The following CLASP1 variants were observed in gnomAD, a reference collection of about 807,000 sequenced individuals.
CLASP1 encodes the protein CLIP-associating protein 1.
In CLASP1, 38 loss-of-function variants were observed where a neutral mutation model predicts 192.3. The observed-to-expected ratio is 0.20, with a 90% CI of 0.15 to 0.26. CLASP1 has a LOEUF of 0.26. Ranked by LOEUF, CLASP1 falls within the 10% of genes least tolerant of loss-of-function variation. The pLI is 1.00. For synonymous variants in CLASP1, 691 were observed against 712.8 expected (o/e 0.97, Z 0.49); for missense variants, 1,433 against 1,932.5 (o/e 0.74, Z 4.85).
At chr2:121,363,332 A>C in intron 36 of CLASP1, 32 bp from the exon 38 acceptor site, 1 of 1,611,492 alleles carries the variant, frequency 6.2e-7, no homozygotes. Flanking sequence ...AGACATCACC[A>C]AACACCACAC....
rs191562547 is a variant in CLASP1 at position 121,340,962 on chromosome 2, T to C, written c.4531-15A>G. ...AGTAGCTTCATCTGAAAAGAGAAGA[T>C]GAAACTGAATTAGCAGGAAGAAAAG... On this transcript the variant is annotated splice_polypyrimidine_tract_variant and intron_variant, in intron 39 of 39. Transcript: ENST00000263710. 9.7e-6 allele frequency: 15 copies of C among 1,539,198 alleles called. No individual in the cohort carries two copies. The East Asian group carries it at 3.0e-4, about 30-fold the overall frequency.
At chr2:121,477,992 T>C (rs116438579) in intron 8 of CLASP1, among the ~76,000 whole-genome samples, 8 of 152,342 alleles carry the variant, frequency 5.3e-5, no homozygotes, top group African/African-American at 1.7e-4. Flanking sequence ...TGTTGTTTAA[T>C]TCTTACTGCA....
chr2:121,479,912 G>A (rs997827318), intron 8 of CLASP1, among the ~76,000 whole-genome samples: 7 of 152,162 alleles, frequency 4.6e-5, no homozygotes, highest in African/African-American at 1.4e-4. Context: ...CAATACAAAG[G>A]TGGAAATGGC....
Position 121,425,317 on chromosome 2 carries a change from A to G in CLASP1, c.2045-11T>C, listed in dbSNP as rs753046711. Reference sequence around the variant, plus strand: ...TTGACCGGCTGCCAGCTAAAAGTGAAGCAAAATGACAATGAATAATAGATG... The same window carrying G: ...TTGACCGGCTGCCAGCTAAAAGTGAGGCAAAATGACAATGAATAATAGATG... On this transcript the variant is annotated splice_polypyrimidine_tract_variant and intron_variant, in intron 21 of 39. Transcript: ENST00000263710. The G allele has an allele frequency of 2.5e-6, 4 of 1,610,512 alleles. No homozygotes were observed. The South Asian group carries it at 4.4e-5, about 18-fold the overall frequency.
chr2:121,418,658 G>T (rs754074342), exon 23 of CLASP1: 4 of 1,613,854 alleles, frequency 2.5e-6, no homozygotes, highest in Non-Finnish European at 2.5e-6. Flanking sequence ...CTTGTATCTC[G>T]GCTGCTCTCA....
chr2:121,552,534 G>A (rs926698894), intron 2 of CLASP1, among the ~76,000 whole-genome samples: 2 of 152,116 alleles, frequency 1.3e-5, no homozygotes, highest in Non-Finnish European at 2.9e-5. Flanking sequence ...CAAAGGACAT[G>A]AACAGACACT....
chr2:121,629,187 A>G (rs1457771468), intron 1 of CLASP1, among the ~76,000 whole-genome samples: 1 of 151,276 alleles, frequency 6.6e-6, no homozygotes, highest in Non-Finnish European at 1.5e-5. Flanking sequence ...TCAGGAGATC[A>G]AGACCATCCT....
At chr2:121,617,116 G>A (rs530473868) in intron 1 of CLASP1, among the ~76,000 whole-genome samples, 61 of 152,202 alleles carry the variant, frequency 4.0e-4, no homozygotes, top group African/African-American at 1.4e-3. Context: ...CTCAGCACCG[G>A]GGCAGCCCCA....
intron 8 of CLASP1, among the ~76,000 whole-genome samples, chr2:121,491,692 T>G (rs1401969706): frequency 6.6e-6 from 1 of 152,248 alleles, no homozygotes; most frequent in Non-Finnish European, 1.5e-5. Context: ...TTAACTCTCA[T>G]ATTCTCACCA....
chr2:121,423,098 G>GA (rs1307831041), intron 22 of CLASP1, among the ~76,000 whole-genome samples: 3 of 151,504 alleles, frequency 2.0e-5, no homozygotes, highest in Admixed American at 2.0e-4. Flanking sequence ...AATACCACAG[G>GA]AAAAAAATGA....
intron 37 of CLASP1, among the ~76,000 whole-genome samples, chr2:121,351,554 G>C (rs1366407605): frequency 6.6e-6 from 1 of 152,162 alleles, no homozygotes; most frequent in Non-Finnish European, 1.5e-5. Context: ...TTTCTTGTTG[G>C]AGGTCTTTTG....
chr2:121,436,351 G>A (rs148489683), intron 19 of CLASP1, among the ~76,000 whole-genome samples: 21 of 151,404 alleles, frequency 1.4e-4, no homozygotes, highest in African/African-American at 4.4e-4. Flanking sequence ...ATGTTTAACT[G>A]CAGATTTTTT....
intron 8 of CLASP1, among the ~76,000 whole-genome samples, chr2:121,483,512 GTATATATGTGTGTGTA>G (rs974731157): frequency 3.3e-5 from 5 of 151,086 alleles, no homozygotes; most frequent in African/African-American, 1.2e-4. Context: ...ATATATGTAT[GTATATATGTGTGTGTA>G]TATATATGTA....
At chr2:121,527,096 A>C (rs2094592551) in intron 5 of CLASP1, among the ~76,000 whole-genome samples, 1 of 152,250 alleles carries the variant, frequency 6.6e-6, no homozygotes, top group South Asian at 2.1e-4. Flanking sequence ...TTTTAAACTA[A>C]AAATGAACTT....
At chr2:121,558,004 C>T (rs1447105562) in intron 2 of CLASP1, among the ~76,000 whole-genome samples, 3 of 149,200 alleles carry the variant, frequency 2.0e-5, no homozygotes, top group Non-Finnish European at 3.0e-5. Flanking sequence ...TGCTTGAACC[C>T]AGGAGGCTGA....
At chr2:121,508,042 A>G (rs1432000994) in intron 7 of CLASP1, among the ~76,000 whole-genome samples, 1 of 151,748 alleles carries the variant, frequency 6.6e-6, no homozygotes, top group Admixed American at 6.6e-5. Flanking sequence ...TCAAATCCAC[A>G]TGAAGAAATA....
intron 7 of CLASP1, among the ~76,000 whole-genome samples, chr2:121,508,344 C>A (rs1033361042): frequency 6.6e-6 from 1 of 152,124 alleles, no homozygotes; most frequent in Non-Finnish European, 1.5e-5. Context: ...CCCAGAGCAA[C>A]TGCGAATAAT....
chr2:121,529,241 G>A (rs1209771598), intron 3 of CLASP1, among the ~76,000 whole-genome samples: 1 of 152,142 alleles, frequency 6.6e-6, no homozygotes, highest in Non-Finnish European at 1.5e-5. Context: ...ACATGAGACA[G>A]AGCCCAGCTC....
intron 22 of CLASP1, among the ~76,000 whole-genome samples, chr2:121,419,636 T>C (rs923171791): frequency 5.3e-5 from 8 of 151,886 alleles, no homozygotes; most frequent in Middle Eastern, 3.4e-3. Context: ...CAGAATTGCA[T>C]GAATAGCCCA....
Sources: allele counts gnomAD v4.1 joint callset (sites outside exome capture counted in the v4.1 genomes callset), GRCh38; gene constraint gnomAD v4.1.1; transcripts MANE v1.5; gene names NCBI Gene and HGNC (gene_info 2026-07-23, HGNC 2026-07-21).